P2RX4: variants seen among roughly 807,000 people sequenced by gnomAD.
P2RX4 encodes P2X purinoceptor 4.
A neutral mutation model predicts 48.0 loss-of-function variants in P2RX4; 37 were observed. The observed-to-expected ratio is 0.77, with a 90% CI of 0.59 to 1.01. The LOEUF (loss-of-function observed/expected upper bound fraction) is 1.01. Among genes scored for constraint, P2RX4 ranks in the 50% least tolerant of loss-of-function variants. The probability of loss-of-function intolerance (pLI) is 0.00; values close to 1 mark genes in which losing one functional copy is unlikely to be tolerated. For synonymous variants in P2RX4, 200 were observed against 199.7 expected, an observed-to-expected ratio of 1.00 and a Z score of -0.01; for missense variants, 501 against 521.4, an observed-to-expected ratio of 0.96 and a Z score of 0.38.
chr12:121,231,133 G>A (rs975260164), intron 8 of P2RX4, among the ~76,000 whole-genome samples: 19 of 151,580 alleles, frequency 1.3e-4, no homozygotes, highest in Admixed American at 2.0e-4. Flanking sequence ...GATTACAGGC[G>A]CCCGCCACCA....
At chr12:121,215,621 G>GT (rs1262212228) in intron 1 of P2RX4, 2 of 151,972 alleles carry the variant, frequency 1.3e-5, no homozygotes, top group Non-Finnish European at 2.9e-5. Context: ...TCCTTATGAC[G>GT]TATTCACTGT....
intron 5 of P2RX4, 58 bp from the exon 6 acceptor site, chr12:121,228,475 T>G: frequency 1.8e-5 from 17 of 937,454 alleles, no homozygotes; most frequent in Non-Finnish European, 2.8e-5. Context: ...ATATATAACA[T>G]GGTTATGTGA....
At chr12:121,230,659 A>G (rs1887284673) in intron 8 of P2RX4, among the ~76,000 whole-genome samples, 1 of 152,234 alleles carries the variant, frequency 6.6e-6, no homozygotes, top group Non-Finnish European at 1.5e-5. Context: ...TCAGAGCCCT[A>G]AAACGGAAAG....
rs1471386094 is a variant in P2RX4 at position 121,210,265 on chromosome 12, C to A, written c.101C>A (p.Ala34Asp). Residue 34 changes from alanine to aspartate, a missense_variant, in exon 1 of 12, where the codon GCC becomes GAC. By Grantham distance (126) the Ala-to-Asp change is moderately radical (BLOSUM62 -2). Coordinates refer to ENST00000337233, the MANE Select transcript of P2RX4 (RefSeq NM_002560.3). ...CGCAAAGTGGGGCTCATGAACCGCG[C>A]CGTGCAACTGCTCATCCTGGCCTAC... The part of the protein sequence containing the change: ...RSRKVGLMNR[A>D]VQLLILAYVI... 3 of 1,556,954 alleles carry A rather than the reference C, an allele frequency of 1.9e-6. No individual in the cohort carries two copies. The highest frequency in any genetic ancestry group is 2.6e-6 in the Non-Finnish European group (3 of 1,156,240).
rs1887191778 is a variant in P2RX4, at chr12:121,229,176, T to G, written c.884+77T>G. 6.4e-7 allele frequency: 1 copy of G among 1,557,470 alleles called. No individual in the cohort carries two copies. Among genetic ancestry groups the G allele is most frequent in the African/African-American group, 1.4e-5 (1 of 73,840 alleles). On this transcript the variant is annotated intron_variant, in intron 8 of 11. Transcript: ENST00000337233. The surrounding 1 kb of genome is among the most constrained non-coding windows in gnomAD (Gnocchi z 4.6). ...GCGTACGTGCCAGTGGGCCGCCCAC[T>G]GAAGACCAGCACTCAGGCAGCACCC...
chr12:121,218,710 C>T (rs572062655), intron 2 of P2RX4, among the ~76,000 whole-genome samples: 4 of 152,286 alleles, frequency 2.6e-5, no homozygotes, highest in African/African-American at 7.2e-5. Flanking sequence ...CTCAGCCTTC[C>T]GTGGTGGATC....
chr12:121,230,982 A>ATATTTTTTTTTT (rs1471846304), intron 8 of P2RX4, among the ~76,000 whole-genome samples: 2 of 113,254 alleles, frequency 1.8e-5, no homozygotes, highest in East Asian at 2.3e-4. Context: ...ATATATATAT[A>ATATTTTTTTTTT]TTTTTTTTTT....
At chr12:121,227,630 G>C (rs992383047) in intron 5 of P2RX4, among the ~76,000 whole-genome samples, 1 of 152,204 alleles carries the variant, frequency 6.6e-6, no homozygotes, top group Non-Finnish European at 1.5e-5. Context: ...CACCGCCTTG[G>C]GGGAGAGGGC....
At chr12:121,228,388 ATAT>A (rs1887117993) in intron 5 of P2RX4, 142 bp from the exon 6 acceptor site, 113 of 118,864 alleles carry the variant, frequency 9.5e-4, no homozygotes, top group African/African-American at 4.3e-3. Flanking sequence ...AAAAAAAAAT[ATAT>A]ATATATATAT....
At position 121,232,603 on chromosome 12, in the gene P2RX4, C is replaced by A. The variant is rs1887443021; in HGVS notation, c.979-8C>A. On this transcript the variant is annotated splice_region_variant and splice_polypyrimidine_tract_variant and intron_variant, in intron 9 of 11. Coordinates refer to ENST00000337233, the MANE Select transcript of P2RX4 (RefSeq NM_002560.3). The surrounding 1 kb of genome is among the most constrained non-coding windows in gnomAD (Gnocchi z 4.3). ...AAACACTTTTTTTCTTTTTCGGTGT[C>A]TTGGCAGGCAGGGAAATTTGACATC... is the stretch of plus-strand genomic sequence containing the variant. 1 of 1,613,690 alleles carries A rather than the reference C, an allele frequency of 6.2e-7. No homozygotes were observed. Among genetic ancestry groups the A allele is most frequent in the Admixed American group, 1.7e-5 (1 of 60,002 alleles).
intron 5 of P2RX4, 130 bp from the exon 6 acceptor site, chr12:121,228,403 T>A: frequency 1.1e-5 from 3 of 263,192 alleles, no homozygotes; most frequent in Non-Finnish European, 1.4e-5. Flanking sequence ...TATATATATA[T>A]ATACACACAC....
rs1427759360 is a variant in P2RX4, at chr12:121,229,467, G to C, written c.884+368G>C. ...TGATCCTCCAGTCCAAAGGCCTCTG[G>C]GGCCTGGCCCAGGAATTGGTTTCTC... On this transcript the variant is annotated intron_variant, in intron 8 of 11. Coordinates refer to ENST00000337233, the MANE Select transcript of P2RX4 (RefSeq NM_002560.3). This position sits in a 1 kb window ranked among gnomAD's most constrained non-coding sequence, Gnocchi z 4.6. Among the ~76,000 whole-genome samples, 1 of 152,188 alleles carries C rather than the reference G, an allele frequency of 6.6e-6. No individual in the cohort carries two copies. The highest frequency in any genetic ancestry group is 1.5e-5 in the Non-Finnish European group (1 of 68,036).
At chr12:121,230,327 G>A (rs1414737374) in intron 8 of P2RX4, among the ~76,000 whole-genome samples, 2 of 152,210 alleles carry the variant, frequency 1.3e-5, no homozygotes, top group African/African-American at 4.8e-5. Context: ...AGGTTGCAGT[G>A]AGCCGAGATC....
At chr12:121,228,377 A>AT (rs1224349389) in intron 5 of P2RX4, among the ~76,000 whole-genome samples, 156 bp from the exon 6 acceptor site, 1 of 126,392 alleles carries the variant, frequency 7.9e-6, no homozygotes, top group African/African-American at 2.8e-5. Flanking sequence ...CAAAAAAAAA[A>AT]AAAAAAAAAT....
rs574084966 is a variant in P2RX4, at chr12:121,229,234, G to T, written c.884+135G>T. The stretch of plus-strand genomic sequence containing the variant: ...AGGCTGCCGGTCCCCCGTCCAAGGC[G>T]GCGGGAAGGCCATGCTGGGAAAATG... On this transcript the variant is annotated intron_variant, in intron 8 of 11. Coordinates refer to ENST00000337233, the MANE Select transcript of P2RX4 (RefSeq NM_002560.3). This position sits in a 1 kb window ranked among gnomAD's most constrained non-coding sequence, Gnocchi z 4.6. 1.8e-6 allele frequency: 2 copies of T among 1,089,142 alleles called. No individual in the cohort carries two copies. The highest frequency in any genetic ancestry group is 3.1e-5 in the African/African-American group (2 of 65,058). The allele number at this position is 1,089,142 out of a possible 1,614,324, so 67.5% of individuals were successfully genotyped here.
intron 5 of P2RX4, among the ~76,000 whole-genome samples, chr12:121,226,370 C>A (rs1343843013): frequency 1.3e-5 from 2 of 151,660 alleles, no homozygotes; most frequent in African/African-American, 2.4e-5. Context: ...ATGGTGAAAC[C>A]CCCTCTCTAC....
rs772182699 is a variant in P2RX4 at position 121,233,055 on chromosome 12, G to A, written c.1103G>A (p.Arg368Gln). 17 of 1,613,274 alleles carry A rather than the reference G, an allele frequency of 1.1e-5. No homozygotes were observed. Among genetic ancestry groups the A allele is most frequent in the Middle Eastern group, 1.6e-4 (1 of 6,074 alleles). The change falls in exon 11 of 12, where the codon CGG (arginine) becomes CAG (glutamine). Residue 368 changes from arginine (R) to glutamine (Q), a missense_variant. Physicochemically the swap from Arg to Gln is conservative, Grantham distance 43. Coordinates refer to ENST00000337233, the MANE Select transcript of P2RX4 (RefSeq NM_002560.3). ...LYCMKKRLYYREKKYKYVEDY... is the reference protein window; with the variant it reads ...LYCMKKRLYYQEKKYKYVEDY... ...TGCATGAAGAAAAGACTCTACTATC[G>A]GGAGAAGAAATATAAATATGTGGAA...
intron 1 of P2RX4, 41 bp downstream of exon 1, chr12:121,210,339 C>T (rs1481786060): frequency 8.9e-6 from 13 of 1,461,784 alleles, no homozygotes; most frequent in Non-Finnish European, 1.1e-5. Flanking sequence ...GGGTGCTGCC[C>T]TCGCGTCCGC....
At position 121,216,586 on chromosome 12, in the gene P2RX4, C is replaced by T. The variant is rs11831457; in HGVS notation, c.135-548C>T. On this transcript the variant is annotated intron_variant, in intron 1 of 11. Coordinates refer to ENST00000337233, the MANE Select transcript of P2RX4 (RefSeq NM_002560.3). The stretch of plus-strand genomic sequence containing the variant: ...CTGTAATCCCAGCACTTTGGGAGGT[C>T]GAGGTGGGTGGATCACCTGAGGTCA... The T allele has an allele frequency of 4.5e-3, 1,129 of 253,012 alleles. 16 individuals carry two copies. Among genetic ancestry groups the T allele is most frequent in the African/African-American group, 0.024 (1,041 of 44,232 alleles). The allele number at this position is 253,012 out of a possible 1,614,324, so 15.7% of individuals were successfully genotyped here.
Sources: allele counts gnomAD v4.1 joint callset (sites outside exome capture counted in the v4.1 genomes callset), GRCh38; gene constraint gnomAD v4.1.1; non-coding constraint Gnocchi (gnomAD v3.1); transcripts MANE v1.5; gene names NCBI Gene and HGNC (gene_info 2026-07-23, HGNC 2026-07-21).